The following PHTF1 variants were observed in gnomAD, a reference collection of about 807,000 sequenced individuals.
The protein encoded by PHTF1 is putative homeodomain transcription factor 1.
A neutral mutation model predicts 102.4 loss-of-function variants in PHTF1; 88 were observed. The observed-to-expected ratio is 0.86, with a 90% CI of 0.72 to 1.03. The LOEUF is 1.03. PHTF1 is among the 50% of genes least tolerant of loss of function. PHTF1 has a pLI of 0.00. For synonymous variants in PHTF1, 289 were observed against 305.2 expected, an observed-to-expected ratio of 0.95 and a Z score of 0.55; for missense variants, 814 against 909.5, an observed-to-expected ratio of 0.89 and a Z score of 1.35.
At position 113,724,749 on chromosome 1, in the gene PHTF1, A is replaced by T. The variant is rs1653554225; in HGVS notation, c.623+10T>A. 1.9e-6 allele frequency: 3 copies of T among 1,587,264 alleles called. No individual in the cohort carries two copies. The Admixed American group carries it at 5.7e-5, about 30-fold the overall frequency. On this transcript the variant is annotated intron_variant, in intron 7 of 18. Coordinates refer to ENST00000369604, the MANE Select transcript of PHTF1 (RefSeq NM_001323043.2). ...ACGTGAATACAAAATCAAGTAAAAA[A>T]GACTCCCACCTGTTGCCAAAGATAG... is the stretch of plus-strand genomic sequence containing the variant.
At position 113,710,302 on chromosome 1, in the gene PHTF1, G is replaced by T. The variant is rs201590693; in HGVS notation, c.1221C>A (p.Thr407=). The part of the protein sequence containing the change: ...TSDSEGAHVN[T]LHSGTKRDPK... Reference sequence around the variant, plus strand: ...GGTCACGTTTGGTCCCTGAGTGAAGGGTATTCACATGGGCCCCCTCACTGT... The same window carrying T: ...GGTCACGTTTGGTCCCTGAGTGAAGTGTATTCACATGGGCCCCCTCACTGT... The change falls in exon 11 of 19, where the codon ACC becomes ACA. Residue 407 remains threonine, a synonymous_variant. Transcript: ENST00000369604. 120 of 1,613,992 alleles carry T rather than the reference G, an allele frequency of 7.4e-5. No homozygotes were observed. Among genetic ancestry groups the T allele is most frequent in the Middle Eastern group, 5.0e-4 (3 of 5,948 alleles).
chr1:113,712,080 C>T lies in PHTF1; in HGVS notation c.817G>A (p.Asp273Asn), dbSNP rs771351484. The part of the protein sequence containing the change: ...AFRRLGNGVS[D>N]DLSSEEDGEA... Reference sequence around the variant, plus strand: ...CCATCTTCTTCACTTGACAGGTCATCAGACACCCCATTACCCAAACGCCTA... The same window carrying T: ...CCATCTTCTTCACTTGACAGGTCATTAGACACCCCATTACCCAAACGCCTA... The change falls in exon 9 of 19, where the codon GAT becomes AAT. Residue 273 changes from aspartate (D) to asparagine (N), a missense_variant. Physicochemically the swap from Asp to Asn is conservative, Grantham distance 23. Transcript: ENST00000369604. The T allele has an allele frequency of 1.9e-6, 3 of 1,614,052 alleles. No homozygotes were observed. The highest frequency in any genetic ancestry group is 1.7e-5 in the Admixed American group (1 of 60,010).
chr1:113,700,973 T>A lies in PHTF1; in HGVS notation c.1891-24A>T, dbSNP rs780126641. ...ACCTATACAAAGGATCAAAAAAAAG[T>A]TAAGTTTTTCATTTACCTTAAAATC... On this transcript the variant is annotated intron_variant, in intron 15 of 18. Transcript: ENST00000369604. 5.1e-6 allele frequency: 8 copies of A among 1,559,340 alleles called. No homozygotes were observed. In the South Asian group the frequency reaches 7.1e-5, roughly 14 times the overall value.
intron 11 of PHTF1, among the ~76,000 whole-genome samples, chr1:113,709,389 A>T (rs1650712559): frequency 6.6e-6 from 1 of 152,246 alleles, no homozygotes; most frequent in Admixed American, 6.5e-5. Context: ...ACAAATATAT[A>T]TCCATCATCC....
rs961351498 is a variant in PHTF1, at chr1:113,706,931, A to G, written c.1270-209T>C. Among the ~76,000 whole-genome samples, 7 of 146,150 alleles carry G rather than the reference A, an allele frequency of 4.8e-5. No homozygotes were observed. The East Asian group carries it at 5.9e-4, about 12-fold the overall frequency. ...GGTCTCAAACTCCTGGGCCCAAGCA[A>G]TCCTCCCATCTGCCTCCCTCTATAC... is the stretch of plus-strand genomic sequence containing the variant. On this transcript the variant is annotated intron_variant, in intron 11 of 18. Transcript: ENST00000369604.
chr1:113,741,449 T>G (rs1385674241), intron 3 of PHTF1, among the ~76,000 whole-genome samples: 1 of 152,226 alleles, frequency 6.6e-6, no homozygotes, highest in East Asian at 1.9e-4. Context: ...AAATTAAAAA[T>G]TTAAAGGTAA....
chr1:113,743,220 A>AT (rs1043157127), intron 3 of PHTF1, among the ~76,000 whole-genome samples: 3 of 151,246 alleles, frequency 2.0e-5, no homozygotes, highest in Non-Finnish European at 4.4e-5. Context: ...AAAAACACAC[A>AT]TTTTCTTTAT....
chr1:113,726,423 T>A lies in PHTF1; in HGVS notation c.483A>T (p.Arg161Ser), dbSNP rs755964932. 2.5e-6 allele frequency: 4 copies of A among 1,605,172 alleles called. No individual in the cohort carries two copies. The African/African-American group carries it at 5.4e-5, about 21-fold the overall frequency. Residue 161 changes from arginine to serine, a missense_variant, in exon 6 of 19, where the codon AGA becomes AGT. By Grantham distance (110) the Arg-to-Ser change is moderately radical (BLOSUM62 -1). Coordinates refer to ENST00000369604, the MANE Select transcript of PHTF1 (RefSeq NM_001323043.2). ...AGTGTAATTTCTCATCTTACCTTCTTCTTCGATTTCCATTGTTTCCTGATG... is the reference window on the plus strand; with the variant it reads ...AGTGTAATTTCTCATCTTACCTTCTACTTCGATTTCCATTGTTTCCTGATG... ...TRPSGNNGNR[R>S]RRKLRKTVNG...
chr1:113,737,771 C>T (rs1655734544), intron 5 of PHTF1, among the ~76,000 whole-genome samples: 1 of 152,116 alleles, frequency 6.6e-6, no homozygotes, highest in Non-Finnish European at 1.5e-5. Context: ...TGCACTCCAG[C>T]CTGGGTGACA....
intron 5 of PHTF1, among the ~76,000 whole-genome samples, chr1:113,731,309 A>ATT (rs1156783968): frequency 6.6e-6 from 1 of 152,112 alleles, no homozygotes; most frequent in African/African-American, 2.4e-5. Flanking sequence ...AGATCATTTG[A>ATT]TCACTTGACG....
At chr1:113,736,375 T>A (rs115522480) in intron 5 of PHTF1, among the ~76,000 whole-genome samples, 2,140 of 147,554 alleles carry the variant, frequency 0.015, 44 homozygotes, top group South Asian at 0.067. Context: ...TAGATAGGAA[T>A]GGCCTCTTTA....
intron 5 of PHTF1, among the ~76,000 whole-genome samples, chr1:113,728,415 G>A (rs1415938097): frequency 2.0e-5 from 3 of 152,250 alleles, no homozygotes; most frequent in Non-Finnish European, 2.9e-5. Context: ...TCTCACTCCC[G>A]TTAAAATGGC....
intron 7 of PHTF1, among the ~76,000 whole-genome samples, chr1:113,724,126 G>A (rs1357660707): frequency 1.3e-5 from 2 of 152,146 alleles, no homozygotes; most frequent in Non-Finnish European, 2.9e-5. Flanking sequence ...AACAAATGCT[G>A]GAGAGGATAT....
At chr1:113,705,263 G>A (rs919971193) in intron 13 of PHTF1, among the ~76,000 whole-genome samples, 3 of 152,062 alleles carry the variant, frequency 2.0e-5, no homozygotes, top group African/African-American at 7.2e-5. Context: ...AACAAAGTAA[G>A]ACCTCACCTC....
chr1:113,711,582 G>A (rs920071027), intron 10 of PHTF1, among the ~76,000 whole-genome samples, 164 bp downstream of exon 10: 6 of 152,158 alleles, frequency 3.9e-5, no homozygotes, highest in Non-Finnish European at 8.8e-5. Flanking sequence ...CTTTCTAGGT[G>A]TGTAGTCATT....
intron 12 of PHTF1, among the ~76,000 whole-genome samples, chr1:113,706,372 T>A (rs1190840900): frequency 2.0e-5 from 3 of 152,148 alleles, no homozygotes; most frequent in Non-Finnish European, 4.4e-5. Context: ...CAGTTGATTA[T>A]GTTAATAGAG....
In PHTF1 at chr1:113,726,572, T is replaced by C. The variant is rs373907346; in HGVS notation, c.334A>G (p.Ile112Val). Reference protein sequence around the residue: ...WLLLLYFMQVIAIVLYLMMPI... With the variant: ...WLLLLYFMQVVAIVLYLMMPI... ...ATCATCAAATATAAGACAATTGCTA[T>C]AACTGAAAAGAAGAGGTTTTAAGAT... Residue 112 changes from isoleucine to valine, a missense_variant and splice_region_variant, in exon 6 of 19, where the codon ATA (isoleucine) becomes GTA (valine). By Grantham distance (29) the Ile-to-Val change is conservative. Coordinates refer to ENST00000369604, the MANE Select transcript of PHTF1 (RefSeq NM_001323043.2). 1 of 1,563,596 alleles carries C rather than the reference T, an allele frequency of 6.4e-7. No homozygotes were observed. The highest frequency in any genetic ancestry group is 2.3e-5 in the East Asian group (1 of 43,516).
chr1:113,741,710 T>C (rs775849410), intron 3 of PHTF1, among the ~76,000 whole-genome samples: 2 of 152,148 alleles, frequency 1.3e-5, no homozygotes, highest in African/African-American at 4.8e-5. Flanking sequence ...ATCTTCTATA[T>C]GTCAGATAAT....
At position 113,700,830 on chromosome 1, in the gene PHTF1, C is replaced by G. The variant is rs769969612; in HGVS notation, c.2010G>C (p.Lys670Asn). 2 of 1,613,834 alleles carry G rather than the reference C, an allele frequency of 1.2e-6. No homozygotes were observed. The highest frequency in any genetic ancestry group is 8.5e-7 in the Non-Finnish European group (1 of 1,179,874). ...RLASLGSETN[K>N]KYSNVSILLT... ...GTAATATTGAAACATTGCTGTATTT[C>G]TTATTGGTTTCAGACCCCAGTGAGG... is the stretch of plus-strand genomic sequence containing the variant. Residue 670 changes from lysine to asparagine, a missense_variant, in exon 16 of 19, where the codon AAG becomes AAC. Physicochemically the swap from Lys to Asn is moderately conservative, Grantham distance 94. Coordinates refer to ENST00000369604, the MANE Select transcript of PHTF1 (RefSeq NM_001323043.2).
Sources: allele counts gnomAD v4.1 joint callset (sites outside exome capture counted in the v4.1 genomes callset), GRCh38; gene constraint gnomAD v4.1.1; transcripts MANE v1.5; gene names NCBI Gene and HGNC (gene_info 2026-07-23, HGNC 2026-07-21).